TBC1D19: variants seen among roughly 807,000 people sequenced by gnomAD.
TBC1D19 encodes the protein TBC1 domain family member 19.
Under a neutral mutation model 89.0 loss-of-function variants are expected in TBC1D19, and 60 were observed. That is an observed-to-expected ratio of 0.67 (90% CI 0.55 to 0.84). The LOEUF is 0.84. Ranked by LOEUF, TBC1D19 falls within the 40% of genes least tolerant of loss-of-function variation. The pLI is 0.00. For missense variants in TBC1D19, 500 were observed against 610.8 expected (o/e 0.82, Z 1.91); for synonymous variants, 189 against 199.7 (o/e 0.95, Z 0.45).
intron 1 of TBC1D19, 72 bp from the exon 2 acceptor site, chr4:26,613,097 C>A: frequency 9.2e-7 from 1 of 1,083,426 alleles, no homozygotes; most frequent in Non-Finnish European, 1.3e-6. Flanking sequence ...TTCTAAATAT[C>A]AACCCAAATG....
chr4:26,787,291 G>A, the TBC1D19 span, among the ~76,000 whole-genome samples: 4 of 151,964 alleles, frequency 2.6e-5, no homozygotes, highest in Non-Finnish European at 4.4e-5. Context: ...TAATAGAGAC[G>A]GGGTTTCACC....
Position 26,755,009 on chromosome 4 carries a change from C to G in TBC1D19, c.*62C>G. 1 of 1,457,950 alleles carries G rather than the reference C, an allele frequency of 6.9e-7. No homozygotes were observed. Among genetic ancestry groups the G allele is most frequent in the Non-Finnish European group, 9.3e-7 (1 of 1,077,484 alleles). 90.3% of individuals were successfully genotyped at this position (1,457,950 alleles called of 1,614,324 possible). A position where few individuals can be genotyped will look rare whatever the true frequency, so the allele number is the denominator to read the frequency against. The stretch of plus-strand genomic sequence containing the variant: ...CATTAGAAACAAATCATGAACTATG[C>G]AAACTCTGCATAAAACCAAAATGAA... On this transcript the variant is annotated 3_prime_UTR_variant, in exon 21 of 21. Coordinates refer to ENST00000264866, the MANE Select transcript of TBC1D19 (RefSeq NM_018317.4).
At chr4:26,673,474 C>CACAA (rs371830256) in intron 10 of TBC1D19, among the ~76,000 whole-genome samples, 1 of 147,814 alleles carries the variant, frequency 6.8e-6, no homozygotes, top group Admixed American at 6.8e-5. Flanking sequence ...CACACACACA[C>CACAA]AATACTAGTT....
the TBC1D19 span, among the ~76,000 whole-genome samples, chr4:26,852,382 C>CT: frequency 1.3e-5 from 2 of 152,014 alleles, no homozygotes; most frequent in African/African-American, 4.8e-5. Flanking sequence ...GACACAACTC[C>CT]TATCTCTACA....
chr4:26,832,281 C>A, the TBC1D19 span, among the ~76,000 whole-genome samples: 1 of 152,162 alleles, frequency 6.6e-6, no homozygotes, highest in African/African-American at 2.4e-5. Context: ...GGTGGGAAAT[C>A]CTTCCCTGAT....
intron 1 of TBC1D19, among the ~76,000 whole-genome samples, chr4:26,587,675 T>C (rs1352874144): frequency 6.6e-6 from 1 of 151,598 alleles, no homozygotes; most frequent in Non-Finnish European, 1.5e-5. Flanking sequence ...ATAAAATAAG[T>C]TGGGAAGTGT....
In TBC1D19 at chr4:26,620,645, C is replaced by A; in HGVS notation, c.251C>A (p.Pro84His). Residue 84 changes from proline (P) to histidine (H), a missense_variant, in exon 4 of 21, where the codon CCT (proline) becomes CAT (histidine). By Grantham distance (77) the Pro-to-His change is moderately conservative. Transcript: ENST00000264866. ...FPLPSHPAAP[P>H]EHLKEPLVYM... is the part of the protein sequence containing the mutation. ...TTACCTAGTCATCCTGCTGCACCTCCTGAACATCTTAAAGAACCTTTGGTA... is the reference window on the plus strand; with the variant it reads ...TTACCTAGTCATCCTGCTGCACCTCATGAACATCTTAAAGAACCTTTGGTA... 1 of 1,613,728 alleles carries A rather than the reference C, an allele frequency of 6.2e-7. No homozygotes were observed. Among genetic ancestry groups the A allele is most frequent in the South Asian group, 1.1e-5 (1 of 91,020 alleles).
chr4:26,608,701 T>C (rs1295420154), intron 1 of TBC1D19, among the ~76,000 whole-genome samples: 1 of 152,176 alleles, frequency 6.6e-6, no homozygotes, highest in Non-Finnish European at 1.5e-5. Flanking sequence ...TTATTTACTT[T>C]TGATTTAGTA....
intron 15 of TBC1D19, among the ~76,000 whole-genome samples, chr4:26,722,871 A>G (rs1717065663): frequency 6.6e-6 from 1 of 152,146 alleles, no homozygotes; most frequent in African/African-American, 2.4e-5. Context: ...TGAGGCATAG[A>G]GTGTTAACCT....
chr4:26,688,455 A>G (rs763578411), intron 13 of TBC1D19, 48 bp downstream of exon 13: 35 of 1,466,272 alleles, frequency 2.4e-5, no homozygotes, highest in Non-Finnish European at 2.9e-5. Flanking sequence ...TAGGTTCTCT[A>G]TATCATGATA....
At chr4:26,762,519 C>A in the TBC1D19 span, among the ~76,000 whole-genome samples, 2 of 152,058 alleles carry the variant, frequency 1.3e-5, no homozygotes, top group Non-Finnish European at 2.9e-5. Context: ...GACAGTACCC[C>A]CTATGAAAAT....
chr4:26,609,282 G>A (rs1008289976), intron 1 of TBC1D19, among the ~76,000 whole-genome samples: 1 of 152,100 alleles, frequency 6.6e-6, no homozygotes, highest in African/African-American at 2.4e-5. Flanking sequence ...ATGCCAGGGT[G>A]ATACTTGGGA....
At chr4:26,737,625 G>A (rs1420196383) in intron 16 of TBC1D19, among the ~76,000 whole-genome samples, 1 of 152,042 alleles carries the variant, frequency 6.6e-6, no homozygotes, top group Non-Finnish European at 1.5e-5. Context: ...GATGCAAAAT[G>A]TTTGATATGG....
intron 1 of TBC1D19, among the ~76,000 whole-genome samples, chr4:26,595,964 A>T (rs977967738): frequency 6.6e-6 from 1 of 152,104 alleles, no homozygotes; most frequent in Admixed American, 6.6e-5. Context: ...TAATTAAAAA[A>T]AATTTTTTTT....
At chr4:26,713,919 A>G (rs996705449) in intron 13 of TBC1D19, among the ~76,000 whole-genome samples, 1 of 152,124 alleles carries the variant, frequency 6.6e-6, no homozygotes, top group Non-Finnish European at 1.5e-5. Flanking sequence ...AAAATGATAC[A>G]GTAAAAGGCT....
chr4:26,782,242 GT>G, the TBC1D19 span, among the ~76,000 whole-genome samples: 10 of 152,214 alleles, frequency 6.6e-5, no homozygotes, highest in Admixed American at 5.9e-4. Flanking sequence ...GTATGGAAAG[GT>G]TTCTTGCATA....
chr4:26,576,763 G>C (rs1237599627), exon 1 of TBC1D19: 1 of 456,300 alleles, frequency 2.2e-6, no homozygotes, highest in Non-Finnish European at 4.4e-6. Context: ...GAGATGAAGA[G>C]AGGGGCCACA....
intron 17 of TBC1D19, among the ~76,000 whole-genome samples, chr4:26,741,142 G>A (rs1444479503): frequency 6.6e-6 from 1 of 152,010 alleles, no homozygotes; most frequent in East Asian, 1.9e-4. Context: ...GGATCATGAG[G>A]TCAGGAGATC....
chr4:26,597,286 T>C (rs996043078), intron 1 of TBC1D19, among the ~76,000 whole-genome samples: 6 of 152,260 alleles, frequency 3.9e-5, no homozygotes, highest in African/African-American at 1.4e-4. Context: ...GATATTTTCC[T>C]GTTGGTTTAA....
Sources: allele counts gnomAD v4.1 joint callset (sites outside exome capture counted in the v4.1 genomes callset), GRCh38; gene constraint gnomAD v4.1.1; transcripts MANE v1.5; gene names NCBI Gene and HGNC (gene_info 2026-07-23, HGNC 2026-07-21).